Variants in DST observed in about 807,000 individuals in gnomAD.
DST encodes the protein bullous pemphigoid antigen.
DST carries 253 observed loss-of-function variants against 875.2 expected under a neutral mutation model. That is an observed-to-expected ratio of 0.29 (90% confidence interval 0.26 to 0.32). The LOEUF is 0.32. Ranked by LOEUF, DST falls within the 10% of genes least tolerant of loss-of-function variation. The pLI, the probability that DST is intolerant of heterozygous loss-of-function variation, is 1.00. For missense variants in DST, 8,287 were observed against 9,111.6 expected, an observed-to-expected ratio of 0.91 and a Z score of 3.68; for synonymous variants, 3,124 against 3,197.1, an observed-to-expected ratio of 0.98 and a Z score of 0.77.
At chr6:56,633,563 C>T (rs1252032046) in intron 27 of DST, among the ~76,000 whole-genome samples, 2 of 149,364 alleles carry the variant, frequency 1.3e-5, no homozygotes, top group African/African-American at 5.0e-5. Context: ...GGCTGGAGCG[C>T]GATCTCAGCT....
chr6:56,478,062 A>C (rs181869126), intron 90 of DST, among the ~76,000 whole-genome samples: 3,583 of 152,296 alleles, frequency 0.024, 135 homozygotes, highest in African/African-American at 0.08. Context: ...TTATACAAAA[A>C]AATAACTCTC....
At chr6:56,599,519 A>C (rs2098423207) in intron 45 of DST, among the ~76,000 whole-genome samples, 1 of 152,130 alleles carries the variant, frequency 6.6e-6, no homozygotes, top group South Asian at 2.1e-4. Context: ...AGGCTGTGAC[A>C]GACTGTTATA....
chr6:56,525,087 T>C (rs114971595), intron 69 of DST, among the ~76,000 whole-genome samples: 2,653 of 152,252 alleles, frequency 0.017, 71 homozygotes, highest in African/African-American at 0.06. Flanking sequence ...AATCTGTGAC[T>C]GTGCCCTTAT....
intron 5 of DST, among the ~76,000 whole-genome samples, chr6:56,728,872 A>G (rs566773150): frequency 8.5e-4 from 129 of 152,186 alleles, no homozygotes; most frequent in African/African-American, 3.0e-3. Context: ...GTGTGGTCCA[A>G]AACAGAATAA....
intron 2 of DST, among the ~76,000 whole-genome samples, chr6:56,901,566 GC>G (rs1794106446): frequency 6.6e-6 from 1 of 152,164 alleles, no homozygotes; most frequent in South Asian, 2.1e-4. Context: ...CTGCACTCCA[GC>G]CCAGGTGACA....
Position 56,891,480 on chromosome 6 carries a change from T to C in DST, c.417+8941A>G, listed in dbSNP as rs191070905. Among the ~76,000 whole-genome samples, 33 of 145,828 alleles carry C rather than the reference T, an allele frequency of 2.3e-4. No homozygotes were observed. The East Asian group carries it at 6.7e-3, about 30-fold the overall frequency. ...TACCCAGAAGGCTGAGGCAGGAGAA[T>C]GGCGTGAACCGGGAGGTGGAGCTTG... On this transcript the variant is annotated intron_variant, in intron 3 of 103. Coordinates refer to ENST00000680361, the MANE Select transcript of DST (RefSeq NM_001374736.1).
chr6:56,616,231 A>T, intron 36 of DST: 1 of 1,614,166 alleles, frequency 6.2e-7, no homozygotes, highest in South Asian at 1.1e-5. Flanking sequence ...AGGCTTTGTC[A>T]ATTGTTCCCT....
chr6:56,492,895 T>C, intron 84 of DST, 39 bp downstream of exon 84: 1 of 1,409,844 alleles, frequency 7.1e-7, no homozygotes, highest in African/African-American at 1.5e-5. Flanking sequence ...AAGCCTGGTG[T>C]CTGAAAAGAG....
intron 8 of DST, among the ~76,000 whole-genome samples, chr6:56,701,048 T>A (rs2099301811): frequency 6.7e-6 from 1 of 149,324 alleles, no homozygotes; most frequent in Non-Finnish European, 1.5e-5. Flanking sequence ...ATTGCAATCA[T>A]GGCTCAACAC....
chr6:56,567,289 C>T (rs943694608), intron 55 of DST, among the ~76,000 whole-genome samples: 1 of 151,874 alleles, frequency 6.6e-6, no homozygotes, highest in African/African-American at 2.4e-5. Flanking sequence ...AATAACAAGT[C>T]TAAACAGAAA....
chr6:56,892,779 A>G lies in DST; in HGVS notation c.417+7642T>C, dbSNP rs551354488. Among the ~76,000 whole-genome samples the G allele has an allele frequency of 7.9e-5, 12 of 152,282 alleles. No homozygotes were observed. In the South Asian group the frequency reaches 2.3e-3, roughly 29 times the overall value. ...AGTCATCATTAGCTATCTTTCATATATCATTCACTCAGTCAATAGTATTCA... is the reference window on the plus strand; with the variant it reads ...AGTCATCATTAGCTATCTTTCATATGTCATTCACTCAGTCAATAGTATTCA... On this transcript the variant is annotated intron_variant, in intron 3 of 103. Transcript: ENST00000680361.
intron 74 of DST, among the ~76,000 whole-genome samples, chr6:56,509,195 C>T (rs898447680): frequency 1.4e-4 from 21 of 152,122 alleles, no homozygotes; most frequent in Middle Eastern, 3.2e-3. Context: ...ATTTCCACTA[C>T]GCACATGCTC....
intron 45 of DST, among the ~76,000 whole-genome samples, 189 bp from the exon 46 acceptor site, chr6:56,598,898 T>C (rs2098417481): frequency 6.6e-6 from 1 of 152,072 alleles, no homozygotes; most frequent in South Asian, 2.1e-4. Context: ...CAAACAATAT[T>C]AAAGAAAAGC....
At chr6:56,783,694 T>G (rs2099699097) in intron 4 of DST, among the ~76,000 whole-genome samples, 1 of 152,166 alleles carries the variant, frequency 6.6e-6, no homozygotes, top group African/African-American at 2.4e-5. Flanking sequence ...CCAGTCTGTG[T>G]CTTTTAATTG....
At chr6:56,786,945 A>G (rs2099706663) in intron 4 of DST, among the ~76,000 whole-genome samples, 1 of 152,254 alleles carries the variant, frequency 6.6e-6, no homozygotes, top group Non-Finnish European at 1.5e-5. Context: ...CCTTTTTAAA[A>G]TTAATGCATT....
chr6:56,621,837 C>T (rs1395454338), intron 36 of DST, among the ~76,000 whole-genome samples: 1 of 152,098 alleles, frequency 6.6e-6, no homozygotes, highest in Non-Finnish European at 1.5e-5. Context: ...CATTGAGAAG[C>T]TTTGGTGAAT....
intron 49 of DST, among the ~76,000 whole-genome samples, chr6:56,582,935 T>C (rs1053007822): frequency 5.3e-5 from 8 of 152,156 alleles, no homozygotes; most frequent in Non-Finnish European, 1.2e-4. Flanking sequence ...TCATCATTTT[T>C]TATGGCTGCA....
intron 90 of DST, among the ~76,000 whole-genome samples, chr6:56,477,958 C>T (rs916723607): frequency 2.0e-5 from 3 of 152,120 alleles, no homozygotes; most frequent in Non-Finnish European, 4.4e-5. Context: ...TGCAACCATC[C>T]ATTTTATTTT....
intron 4 of DST, among the ~76,000 whole-genome samples, chr6:56,822,580 G>A (rs914738464): frequency 3.9e-5 from 6 of 152,122 alleles, no homozygotes; most frequent in African/African-American, 1.2e-4. Flanking sequence ...GGAGTAGGCA[G>A]AATCAAGAGT....
Sources: allele counts gnomAD v4.1 joint callset (sites outside exome capture counted in the v4.1 genomes callset), GRCh38; gene constraint gnomAD v4.1.1; transcripts MANE v1.5; gene names NCBI Gene and HGNC (gene_info 2026-07-23, HGNC 2026-07-21).